The following PTPRD variants were observed in gnomAD, a reference collection of about 807,000 sequenced individuals.
The protein encoded by PTPRD is protein tyrosine phosphatase receptor type D, also known as receptor-type tyrosine-protein phosphatase delta.
A neutral mutation model predicts 214.5 loss-of-function variants in PTPRD; 34 were observed. The observed-to-expected ratio is 0.16, with a 90% CI of 0.12 to 0.21. The LOEUF (loss-of-function observed/expected upper bound fraction) is 0.21, where lower values mean the gene tolerates loss of function less well. Among genes scored for constraint, PTPRD ranks in the 10% least tolerant of loss-of-function variants. The pLI is 1.00. For missense variants in PTPRD, 2,545 were observed against 2,398.7 expected, an observed-to-expected ratio of 1.06 and a Z score of -1.27; for synonymous variants, 1,128 against 845.7, an observed-to-expected ratio of 1.33 and a Z score of -5.79.
chr9:9,820,165 T>C lies in PTPRD; in HGVS notation c.-367-53314A>G, dbSNP rs563910776. Among the ~76,000 whole-genome samples the C allele has an allele frequency of 1.2e-4, 19 of 152,304 alleles. 1 individual carries two copies. The South Asian group carries it at 3.9e-3, about 32-fold the overall frequency. On this transcript the variant is annotated intron_variant, in intron 5 of 45. Coordinates refer to ENST00000381196, the MANE Select transcript of PTPRD (RefSeq NM_002839.4). ...CTACCATTTGTTGTTTTTTGACTTC[T>C]TAGTAATAACCATTCTGATTGGTGC...
At chr9:9,954,760 A>G (rs1438282919) in intron 4 of PTPRD, among the ~76,000 whole-genome samples, 1 of 152,146 alleles carries the variant, frequency 6.6e-6, no homozygotes, top group South Asian at 2.1e-4. Context: ...TTATTTGTGT[A>G]TAGAAACATA....
chr9:10,166,081 A>G (rs2099157282), intron 3 of PTPRD, among the ~76,000 whole-genome samples: 1 of 150,192 alleles, frequency 6.7e-6, no homozygotes. Context: ...CATAATATAT[A>G]AATACATAAA....
At chr9:9,931,559 G>C (rs201108498) in intron 5 of PTPRD, among the ~76,000 whole-genome samples, 4 of 152,134 alleles carry the variant, frequency 2.6e-5, no homozygotes, top group African/African-American at 4.8e-5. Flanking sequence ...TATCCCGCAC[G>C]TGGCTCGGAG....
chr9:8,436,250 T>C (rs1027476035), intron 35 of PTPRD, among the ~76,000 whole-genome samples: 6 of 152,300 alleles, frequency 3.9e-5, no homozygotes, highest in African/African-American at 1.4e-4. Context: ...GAATAAGCTT[T>C]AGCGATCTAT....
chr9:8,425,757 C>G (rs1005227957), intron 35 of PTPRD, among the ~76,000 whole-genome samples: 3 of 152,022 alleles, frequency 2.0e-5, no homozygotes, highest in African/African-American at 7.3e-5. Context: ...AAATGTTAAA[C>G]AGATGAAGGC....
chr9:8,805,869 C>G (rs1223208538), intron 11 of PTPRD, among the ~76,000 whole-genome samples: 2 of 150,416 alleles, frequency 1.3e-5, no homozygotes, highest in East Asian at 4.1e-4. Flanking sequence ...GTGGTGGACA[C>G]CTATAGTCCC....
intron 4 of PTPRD, among the ~76,000 whole-genome samples, chr9:9,954,948 G>A (rs1338457125): frequency 2.0e-5 from 3 of 152,094 alleles, no homozygotes; most frequent in African/African-American, 7.2e-5. Flanking sequence ...CCTCTATTAA[G>A]ATAAAGATAC....
rs1172788990 is a variant in PTPRD at position 10,060,816 on chromosome 9, CT to C, written c.-544-27027del. On this transcript the variant is annotated intron_variant, in intron 3 of 45. Transcript: ENST00000381196. ...TCTTTCTTTCTTCCTTTCTTTCTTT[CT>C]TTCTTTCTTTCTTCCTTCCTTCCTT... 1.7e-4 allele frequency among the ~76,000 whole-genome samples: 22 copies of C among 126,894 alleles called. 1 individual carries two copies. In the East Asian group the frequency reaches 1.9e-3, roughly 11 times the overall value. The allele number at this position is 126,894 out of a possible 152,430, so 83.2% of individuals were successfully genotyped here.
chr9:9,676,107 G>C lies in PTPRD; in HGVS notation c.-287+58426C>G, dbSNP rs144550970. On this transcript the variant is annotated intron_variant, in intron 7 of 45. Transcript: ENST00000381196. ...TTCTAAAAGAATTTTGTGTAATCCA[G>C]TTTTTGTAAGTTTTTTTAATGTTGG... Among the ~76,000 whole-genome samples, 69 of 151,998 alleles carry C rather than the reference G, an allele frequency of 4.5e-4. 2 individuals carry two copies. The East Asian group carries it at 0.013, about 29-fold the overall frequency.
chr9:9,640,982 GTGCC>G (rs2095924501), intron 7 of PTPRD, among the ~76,000 whole-genome samples: 1 of 152,228 alleles, frequency 6.6e-6, no homozygotes, highest in African/African-American at 2.4e-5. Context: ...ATAGTTCTAT[GTGCC>G]TAACAGGTAG....
intron 10 of PTPRD, among the ~76,000 whole-genome samples, chr9:9,142,152 T>C (rs548664921): frequency 1.3e-5 from 2 of 152,352 alleles, no homozygotes; most frequent in South Asian, 4.1e-4. Flanking sequence ...CAGGTGCTCT[T>C]TGAATGCAGG....
intron 2 of PTPRD, among the ~76,000 whole-genome samples, chr9:10,553,417 A>G (rs115694337): frequency 0.029 from 4,393 of 152,216 alleles, 183 homozygotes; most frequent in African/African-American, 0.099. Flanking sequence ...ATAGTTCACA[A>G]AAAATAATTA....
chr9:9,585,962 TA>T (rs1420914102), intron 7 of PTPRD, among the ~76,000 whole-genome samples: 2 of 151,986 alleles, frequency 1.3e-5, no homozygotes, highest in Non-Finnish European at 2.9e-5. Context: ...TTGGGAGATA[TA>T]TTTGGCTTCC....
Position 9,139,284 on chromosome 9 carries a change from T to C in PTPRD, c.-143+44020A>G, listed in dbSNP as rs541249889. ...GAACAACATACAGCAGGTCCTCAAATAACATCGTTTAGTTCAAAATTGTTT... is the reference window on the plus strand; with the variant it reads ...GAACAACATACAGCAGGTCCTCAAACAACATCGTTTAGTTCAAAATTGTTT... On this transcript the variant is annotated intron_variant, in intron 10 of 45. Transcript: ENST00000381196. Among the ~76,000 whole-genome samples, 13 of 152,280 alleles carry C rather than the reference T, an allele frequency of 8.5e-5. 1 individual carries two copies. The highest frequency in any genetic ancestry group is 8.3e-4 in the South Asian group (4 of 4,824).
intron 6 of PTPRD, among the ~76,000 whole-genome samples, chr9:9,737,570 T>C (rs1314104917): frequency 6.6e-6 from 1 of 152,160 alleles, no homozygotes; most frequent in African/African-American, 2.4e-5. Context: ...GCCTATTCTG[T>C]ACACTTCATA....
At chr9:9,360,318 C>A (rs916437094) in intron 9 of PTPRD, among the ~76,000 whole-genome samples, 2 of 150,888 alleles carry the variant, frequency 1.3e-5, no homozygotes, top group African/African-American at 2.4e-5. Context: ...GCAGTCCTTA[C>A]CTCAATTTAA....
At position 9,215,388 on chromosome 9, in the gene PTPRD, G is replaced by C. The variant is rs180967233; in HGVS notation, c.-202-32025C>G. On this transcript the variant is annotated intron_variant, in intron 9 of 45. Transcript: ENST00000381196. ...GAAAATTTCTTCCCTGAGTTCTGGA[G>C]AGAAAATAAAAATACCCTGCCTACC... Among the ~76,000 whole-genome samples, 4 of 152,196 alleles carry C rather than the reference G, an allele frequency of 2.6e-5. No homozygotes were observed. The South Asian group carries it at 8.3e-4, about 32-fold the overall frequency.
intron 11 of PTPRD, among the ~76,000 whole-genome samples, chr9:8,742,324 T>A (rs1035807377): frequency 6.6e-6 from 1 of 152,128 alleles, no homozygotes; most frequent in Admixed American, 6.5e-5. Context: ...ATTTAGCTAA[T>A]TGACATATGC....
At chr9:10,558,446 T>A (rs1435194311) in intron 2 of PTPRD, among the ~76,000 whole-genome samples, 1 of 152,126 alleles carries the variant, frequency 6.6e-6, no homozygotes, top group Non-Finnish European at 1.5e-5. Flanking sequence ...CAAGGAGATG[T>A]ACCTTCATAC....
Sources: allele counts gnomAD v4.1 joint callset (sites outside exome capture counted in the v4.1 genomes callset), GRCh38; gene constraint gnomAD v4.1.1; transcripts MANE v1.5; gene names NCBI Gene and HGNC (gene_info 2026-07-23, HGNC 2026-07-21).